CCL18: variants seen among roughly 807,000 people sequenced by gnomAD.
CCL18 encodes C-C motif chemokine ligand 18.
A neutral mutation model predicts 8.0 loss-of-function variants in CCL18; 7 were observed. The ratio of observed to expected loss-of-function variants is 0.87; its 90% CI spans 0.50 to 1.64. CCL18 has a LOEUF of 1.64. Ranked by LOEUF, CCL18 falls within the 40% of genes most tolerant of loss-of-function variation. The pLI, the probability that CCL18 is intolerant of heterozygous loss-of-function variation, is 0.00. For synonymous variants in CCL18, 35 were observed against 41.3 expected, an observed-to-expected ratio of 0.85 and a Z score of 0.59; for missense variants, 95 against 107.8, an observed-to-expected ratio of 0.88 and a Z score of 0.52.
At chr17:36,070,334 A>C in intron 1 of CCL18, 113 bp from the exon 2 acceptor site, 2 of 633,382 alleles carry the variant, frequency 3.2e-6, no homozygotes, top group Non-Finnish European at 5.8e-6. Flanking sequence ...CTATATCCCC[A>C]CCCCAAGCGG....
intron 1 of CCL18, among the ~76,000 whole-genome samples, chr17:36,066,763 G>A (rs1462687714): frequency 6.6e-6 from 1 of 152,234 alleles, no homozygotes; most frequent in African/African-American, 2.4e-5. Context: ...ACCACATGGT[G>A]TGATGTAAAT....
chr17:36,064,483 T>C, intron 1 of CCL18, 74 bp downstream of exon 1: 1 of 1,147,278 alleles, frequency 8.7e-7, no homozygotes, highest in Non-Finnish European at 1.3e-6. Flanking sequence ...TGCTGTGGCC[T>C]GAAAACCCTC....
chr17:36,069,424 G>A (rs712044), intron 1 of CCL18, among the ~76,000 whole-genome samples: 117,145 of 152,164 alleles, frequency 0.77, 45,876 homozygotes, highest in African/African-American at 0.92. Flanking sequence ...CATGACACCA[G>A]TATCATGATT....
At position 36,071,195 on chromosome 17, in the gene CCL18, T is replaced by A; in HGVS notation, c.*154T>A. ...CACATTAACTAACTTTAATCTTAGT[T>A]TATGCATCATATTTCATTTTGAAAT... On this transcript the variant is annotated 3_prime_UTR_variant, in exon 3 of 3. Coordinates refer to ENST00000616054, the MANE Select transcript of CCL18 (RefSeq NM_002988.4). 1.7e-6 allele frequency: 1 copy of A among 579,548 alleles called. No individual in the cohort carries two copies. Among genetic ancestry groups the A allele is most frequent in the South Asian group, 2.4e-5 (1 of 42,280 alleles). 35.9% of individuals were successfully genotyped at this position (579,548 alleles called of 1,614,324 possible). A position where few individuals can be genotyped will look rare whatever the true frequency, so the allele number is the denominator to read the frequency against.
chr17:36,065,255 C>A (rs145696397), intron 1 of CCL18, among the ~76,000 whole-genome samples: 1 of 152,300 alleles, frequency 6.6e-6, no homozygotes, highest in African/African-American at 2.4e-5. Context: ...CTCTTAAATT[C>A]TTCTGCATCT....
intron 1 of CCL18, among the ~76,000 whole-genome samples, chr17:36,067,727 G>A (rs781582348): frequency 2.6e-5 from 4 of 152,028 alleles, no homozygotes; most frequent in Non-Finnish European, 5.9e-5. Flanking sequence ...ATATGTTACA[G>A]TAGTGCATGA....
In CCL18 at chr17:36,071,965, G is replaced by C. The variant is rs938730676; in HGVS notation, c.*924G>C. ...TGCTTTTGGGGAGGATGTTTTCCAT[G>C]ACTATACGAGATGAGGCTTGGGGCT... On this transcript the variant is annotated 3_prime_UTR_variant, in exon 3 of 3. Transcript: ENST00000616054. 4 of 152,176 alleles carry C rather than the reference G, an allele frequency of 2.6e-5. No homozygotes were observed. Among genetic ancestry groups the C allele is most frequent in the African/African-American group, 7.2e-5 (3 of 41,440 alleles). The allele number at this position is 152,176 out of a possible 1,614,324, so 9.4% of individuals were successfully genotyped here.
At chr17:36,065,596 A>G (rs544994049) in intron 1 of CCL18, among the ~76,000 whole-genome samples, 7 of 152,292 alleles carry the variant, frequency 4.6e-5, no homozygotes, top group African/African-American at 1.7e-4. Context: ...GAAACATAAG[A>G]GAGGCAGGAG....
Position 36,064,366 on chromosome 17 carries a change from C to T in CCL18, c.24C>T (p.Leu8=). The stretch of plus-strand genomic sequence containing the variant: ...TCATGAAGGGCCTTGCAGCTGCCCT[C>T]CTTGTCCTCGTCTGCACCATGGCCC... MKGLAAA[L]LVLVCTMALC... The change falls in exon 1 of 3, where the codon CTC becomes CTT. Residue 8 remains leucine, a synonymous_variant. Transcript: ENST00000616054. 6.2e-7 allele frequency: 1 copy of T among 1,614,104 alleles called. No homozygotes were observed. Among genetic ancestry groups the T allele is most frequent in the South Asian group, 1.1e-5 (1 of 91,068 alleles).
chr17:36,068,636 G>A (rs1333356406), intron 1 of CCL18, among the ~76,000 whole-genome samples: 1 of 152,104 alleles, frequency 6.6e-6, no homozygotes, highest in Non-Finnish European at 1.5e-5. Context: ...TGCTCTTCCT[G>A]TACTCCTATG....
chr17:36,065,474 C>G (rs1035981788), intron 1 of CCL18, among the ~76,000 whole-genome samples: 2 of 152,162 alleles, frequency 1.3e-5, no homozygotes, highest in Non-Finnish European at 2.9e-5. Context: ...TCCCTTGTCC[C>G]ATGGGTTGTC....
At chr17:36,068,264 G>T (rs2066847687) in intron 1 of CCL18, among the ~76,000 whole-genome samples, 1 of 151,716 alleles carries the variant, frequency 6.6e-6, no homozygotes. Flanking sequence ...AAGCAAATGA[G>T]CAAACAGTAC....
chr17:36,070,846 G>T, intron 2 of CCL18, 105 bp from the exon 3 acceptor site: 1 of 881,020 alleles, frequency 1.1e-6, no homozygotes, highest in Non-Finnish European at 1.9e-6. Context: ...AATTTTACGG[G>T]CACGAGGACA....
Position 36,064,326 on chromosome 17 carries a change from T to G in CCL18, c.-17T>G, listed in dbSNP as rs768815599. The G allele has an allele frequency of 6.2e-7, 1 of 1,612,506 alleles. No homozygotes were observed. Among genetic ancestry groups the G allele is most frequent in the Non-Finnish European group, 8.5e-7 (1 of 1,178,552 alleles). The stretch of plus-strand genomic sequence containing the variant: ...AGCCCCAGCTCACTCTGACCACTTC[T>G]CTGCCTGCCCAGCATCATGAAGGGC... On this transcript the variant is annotated 5_prime_UTR_variant, in exon 1 of 3. Coordinates refer to ENST00000616054, the MANE Select transcript of CCL18 (RefSeq NM_002988.4).
chr17:36,070,333 C>T lies in CCL18; in HGVS notation c.68-114C>T, dbSNP rs1047067762. ...CTGGATCTCTTTGTCCCTATATCCC[C>T]ACCCCAAGCGGTGATATCTCCCAGT... On this transcript the variant is annotated intron_variant, in intron 1 of 2. Transcript: ENST00000616054. 2.1e-5 allele frequency: 13 copies of T among 629,638 alleles called. No individual in the cohort carries two copies. The African/African-American group carries it at 2.4e-4, about 12-fold the overall frequency. The allele number at this position is 629,638 out of a possible 1,614,324, so 39.0% of individuals were successfully genotyped here. A position where few individuals can be genotyped will look rare whatever the true frequency, so the allele number is the denominator to read the frequency against.
rs1224090924 is a variant in CCL18 at position 36,064,844 on chromosome 17, CTA to C, written c.67+437_67+438del. Among the ~76,000 whole-genome samples the C allele has an allele frequency of 4.6e-5, 7 of 152,256 alleles. No homozygotes were observed. The South Asian group carries it at 1.0e-3, about 23-fold the overall frequency. ...AGGAGAGTTAGGAGAAGGGCATAGA[CTA>C]TTCAGGGAGCTTGATTCCCTGTAGC... On this transcript the variant is annotated intron_variant, in intron 1 of 2. Coordinates refer to ENST00000616054, the MANE Select transcript of CCL18 (RefSeq NM_002988.4).
At chr17:36,064,787 G>T (rs1157213614) in intron 1 of CCL18, among the ~76,000 whole-genome samples, 1 of 152,116 alleles carries the variant, frequency 6.6e-6, no homozygotes, top group Non-Finnish European at 1.5e-5. Context: ...CAGCTATCTT[G>T]TGATTTAATC....
At chr17:36,068,841 C>T (rs1006503705) in intron 1 of CCL18, among the ~76,000 whole-genome samples, 3 of 152,062 alleles carry the variant, frequency 2.0e-5, no homozygotes, top group African/African-American at 7.2e-5. Flanking sequence ...GGGAGGACCA[C>T]CTGTTTAAAT....
At chr17:36,068,393 TC>T (rs767540443) in intron 1 of CCL18, among the ~76,000 whole-genome samples, 2 of 152,248 alleles carry the variant, frequency 1.3e-5, no homozygotes, top group Non-Finnish European at 2.9e-5. Context: ...AATTTTTTTT[TC>T]AGGTTTTGCA....
Sources: allele counts gnomAD v4.1 joint callset (sites outside exome capture counted in the v4.1 genomes callset), GRCh38; gene constraint gnomAD v4.1.1; transcripts MANE v1.5; gene names NCBI Gene and HGNC (gene_info 2026-07-23, HGNC 2026-07-21).